ZNF891: variants seen among roughly 807,000 people sequenced by gnomAD.
The protein encoded by ZNF891 is zinc finger protein 891.
For synonymous variants in ZNF891, 199 were observed against 209.0 expected, an observed-to-expected ratio of 0.95 and a Z score of 0.41; for missense variants, 589 against 632.7, an observed-to-expected ratio of 0.93 and a Z score of 0.74.
At chr12:133,122,610 G>A (rs887578041) in intron 1 of ZNF891, among the ~76,000 whole-genome samples, 1 of 152,172 alleles carries the variant, frequency 6.6e-6, no homozygotes, top group African/African-American at 2.4e-5. Flanking sequence ...AGGGCAGCAG[G>A]GAGAGCATTA....
In ZNF891 at chr12:133,119,701, A is replaced by G. The variant is rs1303185606; in HGVS notation, c.*583T>C. On this transcript the variant is annotated 3_prime_UTR_variant, in exon 2 of 2. Transcript: ENST00000537226. ...CAGCTGTCATTTTCATGATCACAAG[A>G]TAGCTCTTTCAGCAGCTTCAGGAAT... 1 of 152,486 alleles carries G rather than the reference A, an allele frequency of 6.6e-6. No individual in the cohort carries two copies. Among genetic ancestry groups the G allele is most frequent in the Non-Finnish European group, 1.5e-5 (1 of 68,270 alleles). The allele number at this position is 152,486 out of a possible 1,614,324, so 9.4% of individuals were successfully genotyped here. A position where few individuals can be genotyped will look rare whatever the true frequency, so the allele number is the denominator to read the frequency against.
chr12:133,114,602 G>C lies in ZNF891; in HGVS notation c.*5682C>G, dbSNP rs1955705332. 1 of 152,192 alleles carries C rather than the reference G, an allele frequency of 6.6e-6. No individual in the cohort carries two copies. Among genetic ancestry groups the C allele is most frequent in the Non-Finnish European group, 1.5e-5 (1 of 68,030 alleles). 9.4% of individuals were successfully genotyped at this position (152,192 alleles called of 1,614,324 possible). A position where few individuals can be genotyped will look rare whatever the true frequency, so the allele number is the denominator to read the frequency against. ...ACACTGGGCCAAGTAATAAAACAATGAAAAATTTAGACAAAGTTCCCACCT... is the reference window on the plus strand; with the variant it reads ...ACACTGGGCCAAGTAATAAAACAATCAAAAATTTAGACAAAGTTCCCACCT... On this transcript the variant is annotated 3_prime_UTR_variant, in exon 2 of 2. Coordinates refer to ENST00000537226, the MANE Select transcript of ZNF891 (RefSeq NM_001277291.2).
rs1352473180 is a variant in ZNF891 at position 133,121,904 on chromosome 12, G to T, written c.15C>A (p.Asp5Glu). The T allele has an allele frequency of 6.5e-7, 1 of 1,533,838 alleles. No homozygotes were observed. The highest frequency in any genetic ancestry group is 2.0e-5 in the Admixed American group (1 of 50,860). The change falls in exon 2 of 2, where the codon GAC (aspartate) becomes GAA (glutamate). Residue 5 changes from aspartate (D) to glutamate (E), a missense_variant. Physicochemically the swap from Asp to Glu is conservative, Grantham distance 45. Transcript: ENST00000537226. ...TAGTTAAAGCCCATGGGGAGGATAG[G>T]TCCATAACTGCCATTTTATGAGTAC... Reference protein sequence around the residue: MAVMDLSSPWALTKQ... With the variant: MAVMELSSPWALTKQ...
In ZNF891 at chr12:133,119,860, G is replaced by A. The variant is rs77499059; in HGVS notation, c.*424C>T. 824 of 159,828 alleles carry A rather than the reference G, an allele frequency of 5.2e-3. 12 individuals are homozygous for A. The highest frequency in any genetic ancestry group is 0.019 in the African/African-American group (793 of 41,610). The allele number at this position is 159,828 out of a possible 1,614,324, so 9.9% of individuals were successfully genotyped here. A position where few individuals can be genotyped will look rare whatever the true frequency, so the allele number is the denominator to read the frequency against. Reference sequence around the variant, plus strand: ...CTACCCTTAGCTACAAGAAGTCAAAGAAGCGTTCTATAACCAGAGACCTTA... The same window carrying A: ...CTACCCTTAGCTACAAGAAGTCAAAAAAGCGTTCTATAACCAGAGACCTTA... On this transcript the variant is annotated 3_prime_UTR_variant, in exon 2 of 2. Coordinates refer to ENST00000537226, the MANE Select transcript of ZNF891 (RefSeq NM_001277291.2).
At position 133,106,248 on chromosome 12, in the gene ZNF891, C is replaced by A. The variant is rs1458559940; in HGVS notation, c.*14036G>T. On this transcript the variant is annotated 3_prime_UTR_variant, in exon 2 of 2. Transcript: ENST00000537226. Reference sequence around the variant, plus strand: ...CTTACTCGACATCAGAGCATCCATACAACCAAAACCCCGTATGAATGTAAT... The same window carrying A: ...CTTACTCGACATCAGAGCATCCATAAAACCAAAACCCCGTATGAATGTAAT... The A allele has an allele frequency of 6.2e-7, 1 of 1,614,190 alleles. No individual in the cohort carries two copies. The highest frequency in any genetic ancestry group is 8.5e-7 in the Non-Finnish European group (1 of 1,180,030).
rs1955554142 is a variant in ZNF891 at position 133,105,375 on chromosome 12, T to G, written c.*14909A>C. The stretch of plus-strand genomic sequence containing the variant: ...GAAGTTCTGGGCATACTACTCAGAT[T>G]TCAGTCACAGCTGTGAAAGCTGCTA... On this transcript the variant is annotated 3_prime_UTR_variant, in exon 2 of 2. Transcript: ENST00000537226. 3 of 858,710 alleles carry G rather than the reference T, an allele frequency of 3.5e-6. No individual in the cohort carries two copies. In the Admixed American group the frequency reaches 8.9e-5, roughly 26 times the overall value. The allele number at this position is 858,710 out of a possible 1,614,324, so 53.2% of individuals were successfully genotyped here.
At position 133,126,047 on chromosome 12, in the gene ZNF891, A is replaced by C. The variant is rs1233250857; in HGVS notation, c.-106-4023T>G. On this transcript the variant is annotated intron_variant, in intron 1 of 1. Coordinates refer to ENST00000537226, the MANE Select transcript of ZNF891 (RefSeq NM_001277291.2). ...GTACACTGTACTACTATATTTGTGT[A>C]TGTGTTTGAAAACTTCATAATTTGA... 3 of 172,596 alleles carry C rather than the reference A, an allele frequency of 1.7e-5. No individual in the cohort carries two copies. The South Asian group carries it at 3.6e-4, about 21-fold the overall frequency. The allele number at this position is 172,596 out of a possible 1,614,324, so 10.7% of individuals were successfully genotyped here. A position where few individuals can be genotyped will look rare whatever the true frequency, so the allele number is the denominator to read the frequency against.
At position 133,108,536 on chromosome 12, in the gene ZNF891, G is replaced by T. The variant is rs1433794133; in HGVS notation, c.*11748C>A. ...CATGGGCCAGGTATTCATTTACATA[G>T]TCTATGGCTCCTTACCTCTATAACT... On this transcript the variant is annotated 3_prime_UTR_variant, in exon 2 of 2. Transcript: ENST00000537226. 1 of 152,078 alleles carries T rather than the reference G, an allele frequency of 6.6e-6. No individual in the cohort carries two copies. The highest frequency in any genetic ancestry group is 1.9e-4 in the East Asian group (1 of 5,190). The allele number at this position is 152,078 out of a possible 1,614,324, so 9.4% of individuals were successfully genotyped here.
In ZNF891 at chr12:133,121,889, C is replaced by G; in HGVS notation, c.30G>C (p.Trp10Cys). Residue 10 changes from tryptophan (W) to cysteine (C), a missense_variant, in exon 2 of 2, where the codon TGG (tryptophan) becomes TGC (cysteine). Coordinates refer to ENST00000537226, the MANE Select transcript of ZNF891 (RefSeq NM_001277291.2). MAVMDLSSP[W>C]ALTKQDSACF... ...AGGCAGAGTCCTGTTTAGTTAAAGC[C>G]CATGGGGAGGATAGGTCCATAACTG... The G allele has an allele frequency of 6.5e-7, 1 of 1,535,810 alleles. No individual in the cohort carries two copies. Among genetic ancestry groups the G allele is most frequent in the South Asian group, 1.2e-5 (1 of 84,022 alleles).
rs1349302614 is a variant in ZNF891 at position 133,108,434 on chromosome 12, C to T, written c.*11850G>A. ...TCAATTTCTCCCATTATCTGCTCCA[C>T]ATCCACTTTCCTTCCTACTGTTTAC... On this transcript the variant is annotated 3_prime_UTR_variant, in exon 2 of 2. Transcript: ENST00000537226. 2 of 152,082 alleles carry T rather than the reference C, an allele frequency of 1.3e-5. No homozygotes were observed. Among genetic ancestry groups the T allele is most frequent in the South Asian group, 2.1e-4 (1 of 4,824 alleles). 9.4% of individuals were successfully genotyped at this position (152,082 alleles called of 1,614,324 possible).
chr12:133,124,439 G>T (rs1955794608), intron 1 of ZNF891, among the ~76,000 whole-genome samples: 1 of 151,646 alleles, frequency 6.6e-6, no homozygotes, highest in East Asian at 1.9e-4. Context: ...ATGAAAGAAG[G>T]ATATATAAGT....
In ZNF891 at chr12:133,107,981, A is replaced by T. The variant is rs1033993307; in HGVS notation, c.*12303T>A. 2.0e-5 allele frequency: 3 copies of T among 152,210 alleles called. No homozygotes were observed. Among genetic ancestry groups the T allele is most frequent in the African/African-American group, 7.2e-5 (3 of 41,454 alleles). 9.4% of individuals were successfully genotyped at this position (152,210 alleles called of 1,614,324 possible). A position where few individuals can be genotyped will look rare whatever the true frequency, so the allele number is the denominator to read the frequency against. ...TGAAATTTATAAAAGTTTTAGCCCAAAAACACCTTATTTACATGTACTAGA... is the reference window on the plus strand; with the variant it reads ...TGAAATTTATAAAAGTTTTAGCCCATAAACACCTTATTTACATGTACTAGA... On this transcript the variant is annotated 3_prime_UTR_variant, in exon 2 of 2. Transcript: ENST00000537226.
chr12:133,106,503 G>T lies in ZNF891; in HGVS notation c.*13781C>A, dbSNP rs747901476. On this transcript the variant is annotated 3_prime_UTR_variant, in exon 2 of 2. Transcript: ENST00000537226. ...ATTCTACATCAGAGAACTCATACTG[G>T]AGAGAAACCCTATGTATGTAAGGTA... The T allele has an allele frequency of 5.6e-6, 9 of 1,613,998 alleles. No homozygotes were observed. Among genetic ancestry groups the T allele is most frequent in the Non-Finnish European group, 7.6e-6 (9 of 1,179,996 alleles).
In ZNF891 at chr12:133,121,772, A is replaced by G; in HGVS notation, c.147T>C (p.Ala49=). 1.3e-6 allele frequency: 2 copies of G among 1,536,964 alleles called. No individual in the cohort carries two copies. The highest frequency in any genetic ancestry group is 1.7e-6 in the Non-Finnish European group (2 of 1,147,006). ...LQEPMTFKDV[A]VEFTQEEWMM... is the part of the protein sequence containing the mutation. ...TCCACTCCTCCTGAGTGAACTCCAC[A>G]GCTACATCTTTGAAAGTCATTGGTT... Residue 49 remains alanine (A), a synonymous_variant, in exon 2 of 2, where the codon GCT becomes GCC. Coordinates refer to ENST00000537226, the MANE Select transcript of ZNF891 (RefSeq NM_001277291.2).
In ZNF891 at chr12:133,113,821, C is replaced by T. The variant is rs1431523962; in HGVS notation, c.*6463G>A. On this transcript the variant is annotated 3_prime_UTR_variant, in exon 2 of 2. Coordinates refer to ENST00000537226, the MANE Select transcript of ZNF891 (RefSeq NM_001277291.2). The stretch of plus-strand genomic sequence containing the variant: ...CTGCAGACTCAACCCCACTGCAGCT[C>T]AAGTGATCCTCCTACCCCAGCATCC... 6.6e-6 allele frequency: 1 copy of T among 152,154 alleles called. No homozygotes were observed. The highest frequency in any genetic ancestry group is 2.4e-5 in the African/African-American group (1 of 41,422). The allele number at this position is 152,154 out of a possible 1,614,324, so 9.4% of individuals were successfully genotyped here. A position where few individuals can be genotyped will look rare whatever the true frequency, so the allele number is the denominator to read the frequency against.
intron 1 of ZNF891, among the ~76,000 whole-genome samples, chr12:133,127,662 T>G: frequency 6.6e-6 from 1 of 152,156 alleles, no homozygotes; most frequent in East Asian, 1.9e-4. Context: ...GGAATAGAAG[T>G]GCTTTACAGG....
rs898957399 is a variant in ZNF891, at chr12:133,117,214, A to G, written c.*3070T>C. ...ATCTTACCATGAAACCTATAATCATATATCTATATTTTACTGGCCAGGAAC... is the reference window on the plus strand; with the variant it reads ...ATCTTACCATGAAACCTATAATCATGTATCTATATTTTACTGGCCAGGAAC... On this transcript the variant is annotated 3_prime_UTR_variant, in exon 2 of 2. Transcript: ENST00000537226. The G allele has an allele frequency of 6.6e-6, 1 of 152,204 alleles. No homozygotes were observed. The highest frequency in any genetic ancestry group is 1.5e-5 in the Non-Finnish European group (1 of 68,038). The allele number at this position is 152,204 out of a possible 1,614,324, so 9.4% of individuals were successfully genotyped here. A position where few individuals can be genotyped will look rare whatever the true frequency, so the allele number is the denominator to read the frequency against.
Position 133,106,635 on chromosome 12 carries a change from T to C in ZNF891, c.*13649A>G. 6.3e-7 allele frequency: 1 copy of C among 1,588,728 alleles called. No homozygotes were observed. Among genetic ancestry groups the C allele is most frequent in the Non-Finnish European group, 8.5e-7 (1 of 1,171,350 alleles). On this transcript the variant is annotated 3_prime_UTR_variant, in exon 2 of 2. Coordinates refer to ENST00000537226, the MANE Select transcript of ZNF891 (RefSeq NM_001277291.2). ...AATTCATTTAATTACCACTCATTCC[T>C]TACTGAACACCAGTGAATTTACACT...
At chr12:133,130,054 C>G (rs921592333) in intron 1 of ZNF891, among the ~76,000 whole-genome samples, 173 bp downstream of exon 1, 2 of 152,114 alleles carry the variant, frequency 1.3e-5, no homozygotes, top group Non-Finnish European at 2.9e-5. Flanking sequence ...CACTCGCACC[C>G]GGTAAGTAGC....
Sources: allele counts gnomAD v4.1 joint callset (sites outside exome capture counted in the v4.1 genomes callset), GRCh38; gene constraint gnomAD v4.1.1; transcripts MANE v1.5; gene names NCBI Gene and HGNC (gene_info 2026-07-23, HGNC 2026-07-21).